Variants in PLPPR4 observed in about 807,000 individuals in gnomAD.
PLPPR4 encodes the protein phospholipid phosphatase related 4, also known as phospholipid phosphatase-related protein type 4.
A neutral mutation model predicts 56.6 loss-of-function variants in PLPPR4; 24 were observed. That is an observed-to-expected ratio of 0.42 (90% confidence interval 0.31 to 0.60). The LOEUF is 0.60. PLPPR4 is among the 20% of genes least tolerant of loss of function. PLPPR4 has a pLI of 0.13. For missense variants in PLPPR4, 654 were observed against 885.8 expected, an observed-to-expected ratio of 0.74 and a Z score of 3.32; for synonymous variants, 326 against 328.1, an observed-to-expected ratio of 0.99 and a Z score of 0.07.
At chr1:99,267,402 TTCAAACACCGC>T (rs1658926926) in intron 1 of PLPPR4, among the ~76,000 whole-genome samples, 1 of 152,166 alleles carries the variant, frequency 6.6e-6, no homozygotes. Flanking sequence ...ATTGACTTGG[TTCAAACACCGC>T]CTTTGCCAGA....
At chr1:99,284,869 G>A (rs992310985) in intron 1 of PLPPR4, among the ~76,000 whole-genome samples, 3 of 152,060 alleles carry the variant, frequency 2.0e-5, no homozygotes, top group South Asian at 2.1e-4. Flanking sequence ...AAATCAGTAC[G>A]ATTAGGCCCC....
At chr1:99,298,911 GA>G in intron 3 of PLPPR4, 123 bp from the exon 4 acceptor site, 1 of 780,090 alleles carries the variant, frequency 1.3e-6, no homozygotes, top group Non-Finnish European at 2.2e-6. Context: ...CTGTCTTCTT[GA>G]AATCAACTTA....
intron 2 of PLPPR4, among the ~76,000 whole-genome samples, chr1:99,295,775 G>A (rs549389636): frequency 3.9e-5 from 6 of 152,292 alleles, no homozygotes; most frequent in South Asian, 2.1e-4. Context: ...AATTCTCACC[G>A]TGCCAGGCAC....
rs1370172067 is a variant in PLPPR4, at chr1:99,299,070, A to G, written c.430A>G (p.Ile144Val). The G allele has an allele frequency of 1.9e-6, 3 of 1,613,504 alleles. No homozygotes were observed. Among genetic ancestry groups the G allele is most frequent in the Non-Finnish European group, 2.5e-6 (3 of 1,179,756 alleles). ...HVFGLCSTAL[I>V]TDIIQLSTGY... is the part of the protein sequence containing the mutation. ...ATTTGGATTATGCTCTACAGCTCTC[A>G]TTACAGATATCATACAGCTGTCCAC... Residue 144 changes from isoleucine to valine, a missense_variant, in exon 4 of 7, where the codon ATT becomes GTT. Coordinates refer to ENST00000370185, the MANE Select transcript of PLPPR4 (RefSeq NM_014839.5).
At chr1:99,287,777 T>A (rs1659505254) in intron 1 of PLPPR4, among the ~76,000 whole-genome samples, 188 bp from the exon 2 acceptor site, 1 of 152,074 alleles carries the variant, frequency 6.6e-6, no homozygotes, top group Admixed American at 6.6e-5. Context: ...CATAGATGCG[T>A]AACAGGCTGT....
chr1:99,306,248 CGGA>C lies in PLPPR4; in HGVS notation c.1387_1389del (p.Gly463del). On this transcript the variant is annotated inframe_deletion, in exon 7 of 7. Transcript: ENST00000370185. The surrounding 1 kb of genome is among the most constrained non-coding windows in gnomAD (Gnocchi z 4.0). Reference sequence around the variant, plus strand: ...TCAAAATCCAGCCTGGCGCTGTCCCCGGATGTAACAACAGCATGCCTGGAGGGC... The same window carrying C: ...TCAAAATCCAGCCTGGCGCTGTCCCCTGTAACAACAGCATGCCTGGAGGGC... 1 of 1,614,134 alleles carries C rather than the reference CGGA, an allele frequency of 6.2e-7. No individual in the cohort carries two copies. The highest frequency in any genetic ancestry group is 8.5e-7 in the Non-Finnish European group (1 of 1,180,018).
At chr1:99,298,711 A>G (rs1659807663) in intron 3 of PLPPR4, among the ~76,000 whole-genome samples, 1 of 152,130 alleles carries the variant, frequency 6.6e-6, no homozygotes, top group South Asian at 2.1e-4. Flanking sequence ...TCTTCATTCC[A>G]CACATGTCGT....
chr1:99,263,796 G>T (rs535115061), upstream of PLPPR4, among the ~76,000 whole-genome samples: 2 of 152,284 alleles, frequency 1.3e-5, no homozygotes, highest in East Asian at 3.9e-4. Context: ...AGTAGCCTCT[G>T]GGCTCAATGA....
chr1:99,305,375 A>G (rs1218552116), intron 6 of PLPPR4, among the ~76,000 whole-genome samples: 4 of 152,184 alleles, frequency 2.6e-5, no homozygotes, highest in African/African-American at 9.7e-5. Flanking sequence ...TGAAAAGCAG[A>G]AAAAAAGTCC....
In PLPPR4 at chr1:99,308,284, T is replaced by G. The variant is rs1660096901; in HGVS notation, c.*1274T>G. On this transcript the variant is annotated 3_prime_UTR_variant, in exon 7 of 7. Transcript: ENST00000370185. The stretch of plus-strand genomic sequence containing the variant: ...ATGCATGTTGGTAAGTAAAAGTATC[T>G]CACGGTACAAATTAAGAATGACTTT... The G allele has an allele frequency of 6.6e-6, 1 of 152,154 alleles. No individual in the cohort carries two copies. The highest frequency in any genetic ancestry group is 2.4e-5 in the African/African-American group (1 of 41,434). 9.4% of individuals were successfully genotyped at this position (152,154 alleles called of 1,614,324 possible).
intron 6 of PLPPR4, among the ~76,000 whole-genome samples, chr1:99,305,385 C>T (rs1316693763): frequency 6.6e-6 from 1 of 152,078 alleles, no homozygotes; most frequent in African/African-American, 2.4e-5. Flanking sequence ...AAAAAAAGTC[C>T]TTATTTCTCT....
At chr1:99,304,481 G>C (rs1445531884) in intron 6 of PLPPR4, among the ~76,000 whole-genome samples, 4 of 152,176 alleles carry the variant, frequency 2.6e-5, no homozygotes, top group African/African-American at 4.8e-5. Context: ...AGAGCTTATA[G>C]TTTAGTGGAG....
intron 4 of PLPPR4, 66 bp from the exon 5 acceptor site, chr1:99,300,843 C>T: frequency 8.2e-7 from 1 of 1,216,638 alleles, no homozygotes; most frequent in Non-Finnish European, 1.2e-6. Flanking sequence ...CACTCAGTGT[C>T]TTTGAGATGA....
At chr1:99,268,062 C>A (rs1310806897) in intron 1 of PLPPR4, among the ~76,000 whole-genome samples, 1 of 152,178 alleles carries the variant, frequency 6.6e-6, no homozygotes, top group East Asian at 1.9e-4. Flanking sequence ...TGGGTATTAA[C>A]TCAAAGGTCA....
chr1:99,296,671 CT>C, intron 2 of PLPPR4, 66 bp from the exon 3 acceptor site: 1 of 1,344,720 alleles, frequency 7.4e-7, no homozygotes. Context: ...TATATAATTC[CT>C]TTATACCTGT....
At chr1:99,273,950 T>C (rs914210046) in intron 1 of PLPPR4, among the ~76,000 whole-genome samples, 1 of 152,142 alleles carries the variant, frequency 6.6e-6, no homozygotes, top group Non-Finnish European at 1.5e-5. Context: ...AAGGTCTATA[T>C]GAGTCCTCAT....
intron 1 of PLPPR4, 120 bp downstream of exon 1, chr1:99,264,791 A>C: frequency 4.1e-6 from 4 of 980,412 alleles, no homozygotes; most frequent in African/African-American, 1.6e-5. Context: ...CTGTCCCCAA[A>C]TGCCCGACCC....
At chr1:99,303,157 A>T (rs1396387883) in intron 6 of PLPPR4, among the ~76,000 whole-genome samples, 1 of 151,976 alleles carries the variant, frequency 6.6e-6, no homozygotes, top group Non-Finnish European at 1.5e-5. Context: ...CCATGGGGTA[A>T]AGAAAGAAGG....
Position 99,306,017 on chromosome 1 carries a change from G to A in PLPPR4, c.1155G>A (p.Ala385=), listed in dbSNP as rs535085845. 68 of 1,614,138 alleles carry A rather than the reference G, an allele frequency of 4.2e-5. No individual in the cohort carries two copies. The East Asian group carries it at 6.7e-4, about 16-fold the overall frequency. ...TAGAAGACCCTGTCAGAAGAAATGC[G>A]AGCATTCATGCCTCTATGGATTCCG... is the stretch of plus-strand genomic sequence containing the variant. The part of the protein sequence containing the change: ...PSVEDPVRRN[A]SIHASMDSAR... Residue 385 remains alanine (A), a synonymous_variant, in exon 7 of 7, where the codon GCG becomes GCA. Coordinates refer to ENST00000370185, the MANE Select transcript of PLPPR4 (RefSeq NM_014839.5). The surrounding 1 kb of genome is among the most constrained non-coding windows in gnomAD (Gnocchi z 4.0).
Sources: gnomAD v4.1 joint callset for allele counts (sites outside exome capture counted in the v4.1 genomes callset) on GRCh38, gnomAD v4.1.1 for gene constraint, Gnocchi (gnomAD v3.1) non-coding constraint, MANE v1.5 for transcripts, NCBI Gene and HGNC (gene_info 2026-07-23, HGNC 2026-07-21) for gene names.